The following SRGAP1 variants were observed in gnomAD, a reference collection of about 807,000 sequenced individuals.
SRGAP1 encodes SLIT-ROBO Rho GTPase activating protein 1, also known as SLIT-ROBO Rho GTPase-activating protein 1.
Under a neutral mutation model 121.9 loss-of-function variants are expected in SRGAP1, and 43 were observed. That is an observed-to-expected ratio of 0.35 (90% CI 0.28 to 0.46). The LOEUF (loss-of-function observed/expected upper bound fraction) is 0.46. SRGAP1 is among the 20% of genes least tolerant of loss of function. The pLI is 1.00. For synonymous variants in SRGAP1, 447 were observed against 485.4 expected (o/e 0.92, Z 1.04); for missense variants, 1,102 against 1,350.9 (o/e 0.82, Z 2.89).
intron 1 of SRGAP1, among the ~76,000 whole-genome samples, chr12:63,894,058 C>T (rs1362893326): frequency 6.6e-6 from 1 of 152,202 alleles, no homozygotes; most frequent in East Asian, 1.9e-4. Context: ...CAGGCTGTCT[C>T]GAACTCCTGA....
intron 1 of SRGAP1, among the ~76,000 whole-genome samples, chr12:63,945,453 C>T (rs544472711): frequency 9.3e-4 from 141 of 152,074 alleles, no homozygotes; most frequent in Middle Eastern, 3.4e-3. Flanking sequence ...GTGTGATGTT[C>T]CCCTCCCTGT....
chr12:64,103,139 C>A (rs2036286137), intron 15 of SRGAP1, among the ~76,000 whole-genome samples: 1 of 152,050 alleles, frequency 6.6e-6, no homozygotes, highest in Non-Finnish European at 1.5e-5. Context: ...ACCACCACAC[C>A]CAGCTAATTT....
chr12:64,064,790 G>A (rs555296189), intron 7 of SRGAP1, among the ~76,000 whole-genome samples: 1 of 152,206 alleles, frequency 6.6e-6, no homozygotes, highest in South Asian at 2.1e-4. Flanking sequence ...ATCATCTTCT[G>A]CCTCTGCAAA....
intron 4 of SRGAP1, among the ~76,000 whole-genome samples, chr12:64,022,007 AAACAAAAGT>A (rs1255206885): frequency 6.6e-6 from 1 of 152,228 alleles, no homozygotes; most frequent in Non-Finnish European, 1.5e-5. Flanking sequence ...TGCTATCATG[AAACAAAAGT>A]AACTGCACTG....
chr12:63,868,980 A>G (rs1899759006), intron 1 of SRGAP1, among the ~76,000 whole-genome samples: 1 of 152,208 alleles, frequency 6.6e-6, no homozygotes, highest in Admixed American at 6.5e-5. Context: ...AGTTGTGTCA[A>G]AAATAAATAA....
In SRGAP1 at chr12:64,142,747, A is replaced by G. The variant is rs75577568; in HGVS notation, c.*75A>G. 0.02 allele frequency: 30,995 copies of G among 1,526,438 alleles called. 645 individuals are homozygous for G. The highest frequency in any genetic ancestry group is 0.094 in the South Asian group (7,170 of 76,170). The allele number at this position is 1,526,438 out of a possible 1,614,324, so 94.6% of individuals were successfully genotyped here. A position where few individuals can be genotyped will look rare whatever the true frequency, so the allele number is the denominator to read the frequency against. On this transcript the variant is annotated 3_prime_UTR_variant, in exon 22 of 22. Coordinates refer to ENST00000355086, the MANE Select transcript of SRGAP1 (RefSeq NM_020762.4). ...GATTAGTGACAAAAGTCACTGATCCATAACTTTCCTTAGTTTTGTGCTTAT... is the reference window on the plus strand; with the variant it reads ...GATTAGTGACAAAAGTCACTGATCCGTAACTTTCCTTAGTTTTGTGCTTAT...
rs1177735146 is a variant in SRGAP1, at chr12:64,150,577, C to G, written c.*7905C>G. 6.6e-6 allele frequency: 1 copy of G among 152,036 alleles called. No homozygotes were observed. Among genetic ancestry groups the G allele is most frequent in the Non-Finnish European group, 1.5e-5 (1 of 68,002 alleles). 9.4% of individuals were successfully genotyped at this position (152,036 alleles called of 1,614,324 possible). A position where few individuals can be genotyped will look rare whatever the true frequency, so the allele number is the denominator to read the frequency against. ...ATCTTCAGTGGTCCAGTGGCACATT[C>G]AAAATTGTACAATGACATGACATTA... On this transcript the variant is annotated 3_prime_UTR_variant, in exon 22 of 22. Coordinates refer to ENST00000355086, the MANE Select transcript of SRGAP1 (RefSeq NM_020762.4).
At chr12:63,868,090 T>G (rs1565927782) in intron 1 of SRGAP1, among the ~76,000 whole-genome samples, 12 of 96,260 alleles carry the variant, frequency 1.2e-4, no homozygotes, top group Non-Finnish European at 2.2e-4. Flanking sequence ...TTTTTTTTTT[T>G]TTGTTTTTTG....
At chr12:63,895,757 A>G (rs970165961) in intron 1 of SRGAP1, among the ~76,000 whole-genome samples, 1 of 152,244 alleles carries the variant, frequency 6.6e-6, no homozygotes, top group East Asian at 1.9e-4. Flanking sequence ...GTAGACAAAG[A>G]TAGAAGTTGG....
chr12:64,160,278 A>G lies in SRGAP1; in HGVS notation c.*17606A>G, dbSNP rs1026252368. 1.1e-4 allele frequency: 16 copies of G among 152,250 alleles called. No individual in the cohort carries two copies. Among genetic ancestry groups the G allele is most frequent in the African/African-American group, 3.9e-4 (16 of 41,474 alleles). The allele number at this position is 152,250 out of a possible 1,614,324, so 9.4% of individuals were successfully genotyped here. A position where few individuals can be genotyped will look rare whatever the true frequency, so the allele number is the denominator to read the frequency against. On this transcript the variant is annotated 3_prime_UTR_variant, in exon 22 of 22. Coordinates refer to ENST00000355086, the MANE Select transcript of SRGAP1 (RefSeq NM_020762.4). ...GTCATGACTGACCTAGATTTAACAC[A>G]GTATATCCTTAATCAGCTTCCTGAT...
intron 6 of SRGAP1, among the ~76,000 whole-genome samples, chr12:64,057,489 T>C (rs1593085795): frequency 6.6e-6 from 1 of 152,186 alleles, no homozygotes; most frequent in Admixed American, 6.6e-5. Context: ...GAGGTAGTTA[T>C]GCAGAAGAAA....
chr12:64,062,935 C>T lies in SRGAP1; in HGVS notation c.820C>T (p.His274Tyr), dbSNP rs77397108. 9.7e-5 allele frequency: 157 copies of T among 1,610,688 alleles called. No individual in the cohort carries two copies. The East Asian group carries it at 2.8e-3, about 29-fold the overall frequency. Residue 274 changes from histidine (H) to tyrosine (Y), a missense_variant, in exon 7 of 22, where the codon CAT (histidine) becomes TAT (tyrosine). Coordinates refer to ENST00000355086, the MANE Select transcript of SRGAP1 (RefSeq NM_020762.4). ...TTTTAAGTGCTGTGATCTTGGCTACCATGCAAGTCTGAACAGAGCCCTAAG... is the reference window on the plus strand; with the variant it reads ...TTTTAAGTGCTGTGATCTTGGCTACTATGCAAGTCTGAACAGAGCCCTAAG... ...DLIDCCDLGY[H>Y]ASLNRALRTY...
At chr12:64,131,372 C>A (rs947250328) in intron 21 of SRGAP1, among the ~76,000 whole-genome samples, 3 of 152,206 alleles carry the variant, frequency 2.0e-5, no homozygotes, top group African/African-American at 7.2e-5. Context: ...CTACAGTCCA[C>A]GAATCAGTGT....
chr12:64,027,710 A>C (rs2034684253), intron 4 of SRGAP1, among the ~76,000 whole-genome samples: 1 of 152,190 alleles, frequency 6.6e-6, no homozygotes, highest in African/African-American at 2.4e-5. Context: ...AGCAGTTTGC[A>C]AACTCAAAAA....
At chr12:63,922,381 A>G (rs2031093742) in intron 1 of SRGAP1, among the ~76,000 whole-genome samples, 3 of 152,232 alleles carry the variant, frequency 2.0e-5, no homozygotes, top group Admixed American at 1.3e-4. Context: ...GTAAAACAGG[A>G]TTATTGTAAA....
At chr12:64,060,497 C>T (rs1002564505) in intron 6 of SRGAP1, among the ~76,000 whole-genome samples, 13 of 152,074 alleles carry the variant, frequency 8.5e-5, no homozygotes, top group African/African-American at 2.2e-4. Context: ...CGTGAGCCAC[C>T]GCGCCCAGCC....
At chr12:64,100,424 T>C (rs2036235538) in intron 15 of SRGAP1, among the ~76,000 whole-genome samples, 1 of 152,290 alleles carries the variant, frequency 6.6e-6, no homozygotes, top group South Asian at 2.1e-4. Flanking sequence ...TATGGAGATA[T>C]CTCATGTAAG....
intron 21 of SRGAP1, among the ~76,000 whole-genome samples, chr12:64,138,600 G>A (rs11835984): frequency 0.039 from 5,971 of 151,172 alleles, 396 homozygotes; most frequent in African/African-American, 0.14. Flanking sequence ...AGCTGGGCGT[G>A]TGCCACCACG....
intron 1 of SRGAP1, among the ~76,000 whole-genome samples, chr12:63,873,957 GA>G (rs775675232): frequency 1.2e-4 from 18 of 151,898 alleles, no homozygotes; most frequent in East Asian, 4.0e-4. Flanking sequence ...AATTGAGTCT[GA>G]GAAGTGGAGG....
Sources: gnomAD v4.1 joint callset for allele counts (sites outside exome capture counted in the v4.1 genomes callset) on GRCh38, gnomAD v4.1.1 for gene constraint, MANE v1.5 for transcripts, NCBI Gene and HGNC (gene_info 2026-07-23, HGNC 2026-07-21) for gene names.